EGFR: variants seen among roughly 807,000 people sequenced by gnomAD.
The protein encoded by EGFR is epidermal growth factor receptor, also known as avian erythroblastic leukemia viral (v-erb-b) oncogene homolog.
Under a neutral mutation model 143.0 loss-of-function variants are expected in EGFR, and 58 were observed. That is an observed-to-expected ratio of 0.41 (90% CI 0.33 to 0.50). EGFR has a LOEUF of 0.50. EGFR is among the 20% of genes least tolerant of loss of function. EGFR has a pLI of 0.39. For missense variants in EGFR, 1,307 were observed against 1,579.0 expected, an observed-to-expected ratio of 0.83 and a Z score of 2.92; for synonymous variants, 613 against 594.4, an observed-to-expected ratio of 1.03 and a Z score of -0.45.
chr7:55,165,541 T>C, intron 15 of EGFR, 104 bp downstream of exon 15: 2 of 1,465,882 alleles, frequency 1.4e-6, no homozygotes, highest in Admixed American at 2.3e-5. Context: ...GGTTTGTATT[T>C]GAGTCAGTTA....
intron 1 of EGFR, among the ~76,000 whole-genome samples, chr7:55,026,543 C>T (rs979029925): frequency 1.3e-5 from 2 of 152,332 alleles, no homozygotes; most frequent in East Asian, 3.9e-4. Context: ...AATAACATCT[C>T]CAACCGGAAA....
At chr7:55,165,520 C>A in intron 15 of EGFR, 83 bp downstream of exon 15, 1 of 1,524,576 alleles carries the variant, frequency 6.6e-7, no homozygotes, top group Non-Finnish European at 8.8e-7. Flanking sequence ...TTTCCGGCAA[C>A]AAATTGCCGA....
intron 1 of EGFR, among the ~76,000 whole-genome samples, chr7:55,087,275 AAAAAAAAAC>A (rs1480756826): frequency 1.0e-4 from 13 of 130,536 alleles, no homozygotes; most frequent in Admixed American, 6.7e-4. Flanking sequence ...TCAATTGTTA[AAAAAAAAAC>A]AAAAAAAAAA....
intron 6 of EGFR, among the ~76,000 whole-genome samples, chr7:55,153,713 C>A (rs1339214934): frequency 6.6e-6 from 1 of 152,158 alleles, no homozygotes; most frequent in Non-Finnish European, 1.5e-5. Context: ...TCCATAGTCA[C>A]CGCTATAATG....
chr7:55,087,134 C>A (rs2128892867), intron 1 of EGFR, among the ~76,000 whole-genome samples: 1 of 152,150 alleles, frequency 6.6e-6, no homozygotes, highest in South Asian at 2.1e-4. Context: ...TTAGAGCTGA[C>A]CACAAGCGGG....
chr7:55,022,907 G>T (rs77533561), intron 1 of EGFR, among the ~76,000 whole-genome samples: 2,290 of 152,308 alleles, frequency 0.015, 64 homozygotes, highest in South Asian at 0.11. Flanking sequence ...TTTAGAAGTA[G>T]TCTCAGCAAA....
chr7:55,116,274 C>T (rs1046309558), intron 1 of EGFR, among the ~76,000 whole-genome samples: 12 of 152,206 alleles, frequency 7.9e-5, no homozygotes, highest in African/African-American at 2.7e-4. Flanking sequence ...GCTCTGGGGC[C>T]AGCTATTGAG....
chr7:55,092,530 G>A (rs920032942), intron 1 of EGFR, among the ~76,000 whole-genome samples: 1 of 152,174 alleles, frequency 6.6e-6, no homozygotes, highest in African/African-American at 2.4e-5. Context: ...CACAAATGCA[G>A]CAAATAAAAT....
chr7:55,170,383 A>G, intron 15 of EGFR: 3 of 1,614,204 alleles, frequency 1.9e-6, no homozygotes, highest in Non-Finnish European at 2.5e-6. Flanking sequence ...TAATGATGGC[A>G]GCGTGTCCCA....
chr7:55,127,395 T>G (rs1340731945), intron 1 of EGFR, among the ~76,000 whole-genome samples: 4 of 152,130 alleles, frequency 2.6e-5, no homozygotes, highest in African/African-American at 7.2e-5. Flanking sequence ...AAAGGAAGTG[T>G]TACCACATTT....
chr7:55,187,403 T>G (rs1562795164), intron 20 of EGFR, among the ~76,000 whole-genome samples: 1 of 152,212 alleles, frequency 6.6e-6, no homozygotes, highest in East Asian at 1.9e-4. Context: ...TCTCAGGATT[T>G]GATCCAGGTG....
At chr7:55,149,913 C>T (rs896908702) in intron 4 of EGFR, among the ~76,000 whole-genome samples, 1 of 152,138 alleles carries the variant, frequency 6.6e-6, no homozygotes, top group Non-Finnish European at 1.5e-5. Flanking sequence ...GGTTATAACA[C>T]AATGTATAGT....
Position 55,174,037 on chromosome 7 carries a change from G to A in EGFR, c.2178G>A (p.Val726=), listed in dbSNP as rs777735216. The change falls in exon 18 of 28, where the codon GTG becomes GTA. Residue 726 remains valine, a synonymous_variant. Transcript: ENST00000275493. ...TGGGCTCCGGTGCGTTCGGCACGGT[G>A]TATAAGGTAAGGTCCCTGGCACAGG... ...KVLGSGAFGT[V]YKGLWIPEGE... 1 of 1,614,222 alleles carries A rather than the reference G, an allele frequency of 6.2e-7. No individual in the cohort carries two copies. Among genetic ancestry groups the A allele is most frequent in the South Asian group, 1.1e-5 (1 of 91,084 alleles).
chr7:55,046,181 A>G (rs189466413), intron 1 of EGFR, among the ~76,000 whole-genome samples: 174 of 152,300 alleles, frequency 1.1e-3, no homozygotes, highest in African/African-American at 4.0e-3. Flanking sequence ...AACATGTCGC[A>G]TGCTCTTTTA....
chr7:55,204,998 C>T (rs1328746770), intron 27 of EGFR, among the ~76,000 whole-genome samples: 1 of 152,090 alleles, frequency 6.6e-6, no homozygotes, highest in East Asian at 1.9e-4. Flanking sequence ...CATACACACA[C>T]ACATACACAC....
In EGFR at chr7:55,205,581, G is replaced by T. The variant is rs1788078314; in HGVS notation, c.3597G>T (p.Arg1199Ser). 6.2e-7 allele frequency: 1 copy of T among 1,614,132 alleles called. No individual in the cohort carries two copies. The highest frequency in any genetic ancestry group is 1.1e-5 in the South Asian group (1 of 91,078). Residue 1199 changes from arginine (R) to serine (S), a missense_variant, in exon 28 of 28, where the codon AGG (arginine) becomes AGT (serine). Coordinates refer to ENST00000275493, the MANE Select transcript of EGFR (RefSeq NM_005228.5). ...CAGCTGAAAATGCAGAATACCTAAG[G>T]GTCGCGCCACAAAGCAGTGAATTTA... ...GSTAENAEYL[R>S]VAPQSSEFIG...
At chr7:55,174,269 T>G (rs1263039008) in intron 18 of EGFR, among the ~76,000 whole-genome samples, 1 of 152,244 alleles carries the variant, frequency 6.6e-6, no homozygotes, top group Non-Finnish European at 1.5e-5. Context: ...AAAGGCATTT[T>G]TATGAAAGGG....
intron 1 of EGFR, among the ~76,000 whole-genome samples, chr7:55,102,382 A>C (rs191250003): frequency 2.0e-5 from 3 of 152,338 alleles, no homozygotes; most frequent in Non-Finnish European, 4.4e-5. Flanking sequence ...TGTCTGGCTC[A>C]TCTTACCTGA....
intron 23 of EGFR, 61 bp from the exon 24 acceptor site, chr7:55,200,255 G>A (rs1787786569): frequency 1.3e-6 from 2 of 1,483,888 alleles, no homozygotes; most frequent in East Asian, 2.3e-5. Context: ...TTTAAGCAAT[G>A]CCATCTTTAT....
Sources: allele counts gnomAD v4.1 joint callset (sites outside exome capture counted in the v4.1 genomes callset), GRCh38; gene constraint gnomAD v4.1.1; transcripts MANE v1.5; gene names NCBI Gene and HGNC (gene_info 2026-07-23, HGNC 2026-07-21).